Variants in BAZ2B observed in about 807,000 individuals in gnomAD.
The protein encoded by BAZ2B is bromodomain adjacent to zinc finger domain protein 2B.
A neutral mutation model predicts 246.0 loss-of-function variants in BAZ2B; 91 were observed. The observed-to-expected ratio is 0.37, with a 90% CI of 0.31 to 0.44. The LOEUF (loss-of-function observed/expected upper bound fraction) is 0.44, where lower values mean the gene tolerates loss of function less well. Ranked by LOEUF, BAZ2B falls within the 20% of genes least tolerant of loss-of-function variation. The pLI, the probability that BAZ2B is intolerant of heterozygous loss-of-function variation, is 1.00. For missense variants in BAZ2B, 2,332 were observed against 2,533.7 expected (o/e 0.92, Z 1.71); for synonymous variants, 855 against 860.0 (o/e 0.99, Z 0.10).
intron 2 of BAZ2B, chr2:159,516,748 G>A (rs1338034354): frequency 6.6e-6 from 1 of 152,372 alleles, no homozygotes; most frequent in East Asian, 1.9e-4. Context: ...GATGTCTCAA[G>A]TAATCGTTCT....
chr2:159,584,190 C>T (rs190639472), intron 1 of BAZ2B, among the ~76,000 whole-genome samples: 29 of 151,604 alleles, frequency 1.9e-4, no homozygotes, highest in Non-Finnish European at 4.0e-4. Flanking sequence ...AGCACGATCT[C>T]GACTCACTGC....
the BAZ2B span, among the ~76,000 whole-genome samples, chr2:159,692,996 A>G: frequency 6.6e-6 from 1 of 152,114 alleles, no homozygotes; most frequent in East Asian, 1.9e-4. Context: ...TTTTGTAGAC[A>G]TAGGGTCTCA....
At chr2:159,448,475 G>C in intron 4 of BAZ2B, 66 bp from the exon 5 acceptor site, 1 of 1,475,696 alleles carries the variant, frequency 6.8e-7, no homozygotes, top group Non-Finnish European at 9.0e-7. Flanking sequence ...CGTCACAATG[G>C]CTTTCTATGT....
chr2:159,474,091 G>A (rs902277780), intron 3 of BAZ2B, among the ~76,000 whole-genome samples: 2 of 152,156 alleles, frequency 1.3e-5, no homozygotes, highest in African/African-American at 4.8e-5. Context: ...TTGGTCCACA[G>A]CTGAGTTCAA....
rs561370351 is a variant in BAZ2B, at chr2:159,370,544, T to C, written c.4213+2501A>G. On this transcript the variant is annotated intron_variant, in intron 27 of 36. Coordinates refer to ENST00000392783, the MANE Select transcript of BAZ2B (RefSeq NM_013450.4). ...CGCCACCACGCCCGGCTAATGTTTTTTGTATTTTTAGTAGAGACGGGGTTT... is the reference window on the plus strand; with the variant it reads ...CGCCACCACGCCCGGCTAATGTTTTCTGTATTTTTAGTAGAGACGGGGTTT... Among the ~76,000 whole-genome samples the C allele has an allele frequency of 2.3e-3, 343 of 151,902 alleles. 1 individual carries two copies. Among genetic ancestry groups the C allele is most frequent in the Non-Finnish European group, 3.9e-3 (268 of 67,946 alleles).
At chr2:159,662,182 T>C in the BAZ2B span, among the ~76,000 whole-genome samples, 1 of 152,238 alleles carries the variant, frequency 6.6e-6, no homozygotes, top group Admixed American at 6.5e-5. Flanking sequence ...TTCCTTTTTG[T>C]TGGCCAAAAA....
intron 1 of BAZ2B, among the ~76,000 whole-genome samples, chr2:159,565,138 T>A (rs536350527): frequency 6.6e-6 from 1 of 152,288 alleles, no homozygotes; most frequent in African/African-American, 2.4e-5. Context: ...CCCAAAGTGC[T>A]GGGATTACAG....
chr2:159,428,182 T>G, intron 12 of BAZ2B, 129 bp downstream of exon 12: 12 of 1,091,306 alleles, frequency 1.1e-5, no homozygotes, highest in Non-Finnish European at 1.6e-5. Context: ...TTAGGTTAAG[T>G]ACAATAGTCC....
chr2:159,350,427 T>C, intron 27 of BAZ2B, 70 bp from the exon 28 acceptor site: 1 of 1,312,022 alleles, frequency 7.6e-7, no homozygotes, highest in South Asian at 1.6e-5. Flanking sequence ...TAAATTTCAT[T>C]ACTCTTTATC....
the BAZ2B span, among the ~76,000 whole-genome samples, chr2:159,702,009 T>C: frequency 6.6e-6 from 1 of 152,186 alleles, no homozygotes; most frequent in Non-Finnish European, 1.5e-5. Flanking sequence ...ATTATAGACA[T>C]GAACCACTGC....
chr2:159,689,150 A>T, the BAZ2B span: 3 of 389,388 alleles, frequency 7.7e-6, no homozygotes, highest in Admixed American at 1.2e-4. Flanking sequence ...GTCTAGCTCC[A>T]TAAAAGCGCA....
chr2:159,346,119 A>G (rs556144977), intron 31 of BAZ2B, among the ~76,000 whole-genome samples: 2 of 152,360 alleles, frequency 1.3e-5, no homozygotes, highest in Admixed American at 1.3e-4. Flanking sequence ...ACTGTATTAT[A>G]GAACCTGGAG....
At chr2:159,396,072 A>C (rs569342663) in intron 19 of BAZ2B, 1 of 383,384 alleles carries the variant, frequency 2.6e-6, no homozygotes, top group South Asian at 3.7e-5. Context: ...ATGAACATGG[A>C]GACAGTGTAA....
At chr2:159,651,510 A>T in the BAZ2B span, among the ~76,000 whole-genome samples, 1 of 152,180 alleles carries the variant, frequency 6.6e-6, no homozygotes, top group Non-Finnish European at 1.5e-5. Flanking sequence ...TTTCAAGAGT[A>T]CATTCATGGG....
At chr2:159,582,474 C>A (rs1345370232) in intron 1 of BAZ2B, among the ~76,000 whole-genome samples, 1 of 152,188 alleles carries the variant, frequency 6.6e-6, no homozygotes, top group African/African-American at 2.4e-5. Context: ...CGGCTCACTG[C>A]AGCTTCAGCC....
the BAZ2B span, among the ~76,000 whole-genome samples, chr2:159,707,193 T>C: frequency 1.3e-5 from 2 of 152,070 alleles, no homozygotes; most frequent in African/African-American, 4.8e-5. Flanking sequence ...TTATGTAAAA[T>C]AACAGGTAGT....
intron 3 of BAZ2B, chr2:159,460,579 A>C (rs2076288807): frequency 6.6e-6 from 1 of 152,126 alleles, no homozygotes. Context: ...GATCTAATGT[A>C]CATCTTGCAA....
intron 2 of BAZ2B, among the ~76,000 whole-genome samples, chr2:159,523,363 C>CT (rs2084355465): frequency 6.6e-6 from 1 of 152,164 alleles, no homozygotes; most frequent in African/African-American, 2.4e-5. Flanking sequence ...GACTGTGCCA[C>CT]TGCACTCTAG....
intron 1 of BAZ2B, among the ~76,000 whole-genome samples, chr2:159,559,649 A>G (rs1325677199): frequency 1.3e-5 from 2 of 152,222 alleles, no homozygotes; most frequent in Non-Finnish European, 2.9e-5. Context: ...ATTTTTATAC[A>G]TGACTTAATA....
Sources: gnomAD v4.1 joint callset for allele counts (sites outside exome capture counted in the v4.1 genomes callset) on GRCh38, gnomAD v4.1.1 for gene constraint, MANE v1.5 for transcripts, NCBI Gene and HGNC (gene_info 2026-07-23, HGNC 2026-07-21) for gene names.